The following MAP4K5 variants were observed in gnomAD, a reference collection of about 807,000 sequenced individuals.
The protein encoded by MAP4K5 is mitogen-activated protein kinase kinase kinase kinase 5.
MAP4K5 carries 82 observed loss-of-function variants against 135.6 expected under a neutral mutation model. The ratio of observed to expected loss-of-function variants is 0.60; its 90% CI spans 0.51 to 0.73. MAP4K5 has a LOEUF of 0.73. Ranked by LOEUF, MAP4K5 falls within the 30% of genes least tolerant of loss-of-function variation. The probability of loss-of-function intolerance (pLI) is 0.00; values close to 1 mark genes in which losing one functional copy is unlikely to be tolerated. For missense variants in MAP4K5, 907 were observed against 1,010.9 expected (o/e 0.90, Z 1.39); for synonymous variants, 347 against 335.0 (o/e 1.04, Z -0.39).
At chr14:50,505,176 T>C (rs1230075535) in intron 2 of MAP4K5, 1 of 211,056 alleles carries the variant, frequency 4.7e-6, no homozygotes, top group African/African-American at 2.3e-5. Context: ...ATGGGTTTTA[T>C]TTATATCAGA....
chr14:50,517,308 C>T (rs553991705), intron 2 of MAP4K5, among the ~76,000 whole-genome samples: 4 of 151,894 alleles, frequency 2.6e-5, no homozygotes, highest in South Asian at 2.1e-4. Context: ...CGTGCCACCA[C>T]GCCCAGCTAA....
intron 2 of MAP4K5, among the ~76,000 whole-genome samples, chr14:50,520,627 A>C (rs1053637619): frequency 3.1e-4 from 47 of 152,206 alleles, no homozygotes; most frequent in African/African-American, 1.0e-3. Context: ...GAAATCATTC[A>C]CATTTTATAA....
intron 13 of MAP4K5, among the ~76,000 whole-genome samples, chr14:50,457,769 T>A (rs1365016452): frequency 6.6e-6 from 1 of 152,218 alleles, no homozygotes; most frequent in Non-Finnish European, 1.5e-5. Flanking sequence ...TTGTTCAATG[T>A]TCCCATTGGA....
chr14:50,513,771 A>G (rs2037976932), intron 2 of MAP4K5, among the ~76,000 whole-genome samples: 1 of 152,212 alleles, frequency 6.6e-6, no homozygotes, highest in South Asian at 2.1e-4. Flanking sequence ...CATTAAGCCA[A>G]CTGTGGACTT....
intron 2 of MAP4K5, among the ~76,000 whole-genome samples, chr14:50,542,273 G>T (rs1237105384): frequency 1.4e-5 from 2 of 147,120 alleles, no homozygotes; most frequent in African/African-American, 5.1e-5. Context: ...ACACACCGGG[G>T]GCCTGTGGTG....
chr14:50,531,608 T>C (rs1047890975), intron 2 of MAP4K5, among the ~76,000 whole-genome samples: 1 of 152,224 alleles, frequency 6.6e-6, no homozygotes, highest in South Asian at 2.1e-4. Context: ...GAAGCATTTT[T>C]CCATGCTAAC....
chr14:50,442,182 A>C (rs1427177409), intron 21 of MAP4K5, among the ~76,000 whole-genome samples: 1 of 152,132 alleles, frequency 6.6e-6, no homozygotes, highest in Non-Finnish European at 1.5e-5. Flanking sequence ...GATGTACAGA[A>C]AAGTTGTAAT....
At chr14:50,553,302 A>G (rs1264860362) in intron 1 of MAP4K5, among the ~76,000 whole-genome samples, 1 of 151,904 alleles carries the variant, frequency 6.6e-6, no homozygotes, top group Non-Finnish European at 1.5e-5. Flanking sequence ...AAAGGACATG[A>G]ATAGACAATT....
At chr14:50,469,626 C>T (rs1417747132) in intron 9 of MAP4K5, among the ~76,000 whole-genome samples, 1 of 152,036 alleles carries the variant, frequency 6.6e-6, no homozygotes, top group African/African-American at 2.4e-5. Flanking sequence ...GCAGAGGGAA[C>T]AGAATGAAAG....
Position 50,440,366 on chromosome 14 carries a change from T to C in MAP4K5, c.1640A>G (p.Glu547Gly). Reference sequence around the variant, plus strand: ...TGAATTAAAATGCCTAATTACCTGTTCCATCGTTGCCTCATGTAGCTCATT... The same window carrying C: ...TGAATTAAAATGCCTAATTACCTGTCCCATCGTTGCCTCATGTAGCTCATT... ...NLNELHEATM[E>G]QLFPRKCTWL... Residue 547 changes from glutamate (E) to glycine (G), a missense_variant, in exon 22 of 33, where the codon GAA becomes GGA. Physicochemically the swap from Glu to Gly is moderately conservative, Grantham distance 98. This residue lies in a region of MAP4K5 where 690 missense variants were observed against 777.4 expected (regional missense o/e 0.89). Transcript: ENST00000682126. The C allele has an allele frequency of 6.3e-7, 1 of 1,586,338 alleles. No homozygotes were observed. Among genetic ancestry groups the C allele is most frequent in the Non-Finnish European group, 8.6e-7 (1 of 1,159,164 alleles).
intron 1 of MAP4K5, among the ~76,000 whole-genome samples, chr14:50,558,219 C>T (rs1299923173): frequency 1.3e-5 from 2 of 152,086 alleles, no homozygotes; most frequent in Non-Finnish European, 2.9e-5. Context: ...AACAGCCAGG[C>T]GTGCTGGCGA....
In MAP4K5 at chr14:50,481,750, T is replaced by C. The variant is rs1278316600; in HGVS notation, c.378+611A>G. ...TGAATATTCATAACCCATTTTAGCA[T>C]ACTAAAAGTTCTCACAGGCCCTGAA... On this transcript the variant is annotated intron_variant, in intron 6 of 32. Coordinates refer to ENST00000682126, the MANE Select transcript of MAP4K5 (RefSeq NM_006575.6). Among the ~76,000 whole-genome samples the C allele has an allele frequency of 3.3e-5, 5 of 152,332 alleles. No homozygotes were observed. The East Asian group carries it at 7.7e-4, about 23-fold the overall frequency.
At chr14:50,482,518 C>T in intron 5 of MAP4K5, 102 bp from the exon 6 acceptor site, 1 of 731,282 alleles carries the variant, frequency 1.4e-6, no homozygotes, top group Non-Finnish European at 2.2e-6. Flanking sequence ...GTGGCTCACG[C>T]CTGTAATCCC....
chr14:50,520,135 C>T (rs949211962), intron 2 of MAP4K5, among the ~76,000 whole-genome samples: 3 of 151,652 alleles, frequency 2.0e-5, no homozygotes, highest in African/African-American at 7.3e-5. Flanking sequence ...GAGGCCGAGG[C>T]GGGTGGATCA....
At chr14:50,560,505 G>A (rs756093141) in intron 1 of MAP4K5, 39 of 646,366 alleles carry the variant, frequency 6.0e-5, no homozygotes, top group Non-Finnish European at 9.1e-5. Context: ...GTCGGGGTGA[G>A]GGCTGCAGCT....
At chr14:50,430,911 G>A (rs139265594) in intron 28 of MAP4K5, among the ~76,000 whole-genome samples, 201 of 152,254 alleles carry the variant, frequency 1.3e-3, no homozygotes, top group African/African-American at 4.5e-3. Flanking sequence ...TTGCCGGAGT[G>A]AGGGCATTCA....
intron 1 of MAP4K5, among the ~76,000 whole-genome samples, chr14:50,552,649 C>T (rs2038716910): frequency 6.6e-6 from 1 of 152,280 alleles, no homozygotes; most frequent in African/African-American, 2.4e-5. Context: ...CAACGTGGTA[C>T]TGCTATAAAA....
At chr14:50,476,220 CAATAG>C in intron 7 of MAP4K5, 34 bp downstream of exon 7, 1 of 1,476,480 alleles carries the variant, frequency 6.8e-7, no homozygotes, top group Non-Finnish European at 9.1e-7. Flanking sequence ...AAATTTCTTC[CAATAG>C]AATTGGCAAT....
chr14:50,504,718 A>G (rs2037773629), intron 3 of MAP4K5, 82 bp downstream of exon 3: 2 of 1,015,566 alleles, frequency 2.0e-6, no homozygotes, highest in Admixed American at 2.5e-5. Flanking sequence ...AGAACATATA[A>G]AGACTTCTTC....
Sources: gnomAD v4.1 joint callset for allele counts (sites outside exome capture counted in the v4.1 genomes callset) on GRCh38, gnomAD v4.1.1 for gene constraint, gnomAD v4.1.1 regional missense constraint, MANE v1.5 for transcripts, NCBI Gene and HGNC (gene_info 2026-07-23, HGNC 2026-07-21) for gene names.